Variants in ZNF804A observed in about 807,000 individuals in gnomAD.
The protein encoded by ZNF804A is zinc finger protein 804A.
In ZNF804A, 2 loss-of-function variants were observed where a neutral mutation model predicts 16.5. The observed-to-expected ratio is 0.12, with a 90% CI of 0.05 to 0.38. ZNF804A has a LOEUF of 0.38. Among genes scored for constraint, ZNF804A ranks in the 10% least tolerant of loss-of-function variants. ZNF804A has a pLI of 0.99. For synonymous variants in ZNF804A, 534 were observed against 489.6 expected (o/e 1.09, Z -1.20); for missense variants, 1,473 against 1,390.7 (o/e 1.06, Z -0.94).
intron 1 of ZNF804A, among the ~76,000 whole-genome samples, chr2:184,848,626 G>A (rs1052999990): frequency 3.3e-5 from 5 of 151,996 alleles, no homozygotes; most frequent in African/African-American, 9.7e-5. Flanking sequence ...ACAAGTCCAA[G>A]TGTCAAAGTG....
intron 1 of ZNF804A, among the ~76,000 whole-genome samples, chr2:184,750,600 C>T (rs1041255602): frequency 2.0e-5 from 3 of 151,216 alleles, no homozygotes; most frequent in African/African-American, 4.8e-5. Flanking sequence ...GTAAAAATGT[C>T]ACCACAATCC....
chr2:184,686,146 C>G (rs138124326), intron 1 of ZNF804A, among the ~76,000 whole-genome samples: 1 of 152,158 alleles, frequency 6.6e-6, no homozygotes, highest in Non-Finnish European at 1.5e-5. Flanking sequence ...TCTGAGCTTG[C>G]GGGGCAGGGG....
intron 1 of ZNF804A, among the ~76,000 whole-genome samples, chr2:184,839,004 C>G (rs1247251755): frequency 6.6e-6 from 1 of 152,040 alleles, no homozygotes; most frequent in Non-Finnish European, 1.5e-5. Flanking sequence ...CATTACCTTT[C>G]CCAATGTCCA....
intron 2 of ZNF804A, among the ~76,000 whole-genome samples, chr2:184,891,518 A>T (rs1189855358): frequency 6.6e-6 from 1 of 152,180 alleles, no homozygotes; most frequent in Non-Finnish European, 1.5e-5. Context: ...AGTAAAAAAG[A>T]AAAACTCAAC....
At chr2:184,732,506 T>A (rs2105748283) in intron 1 of ZNF804A, among the ~76,000 whole-genome samples, 1 of 152,258 alleles carries the variant, frequency 6.6e-6, no homozygotes, top group African/African-American at 2.4e-5. Flanking sequence ...ATTACTGTGT[T>A]GGCTATTCTG....
intron 1 of ZNF804A, among the ~76,000 whole-genome samples, chr2:184,654,356 G>T (rs1459404220): frequency 1.3e-5 from 2 of 152,048 alleles, no homozygotes; most frequent in Non-Finnish European, 1.5e-5. Context: ...TCCTTTTTCT[G>T]GTTGGTTCTG....
At chr2:184,640,430 A>G (rs534509404) in intron 1 of ZNF804A, among the ~76,000 whole-genome samples, 1 of 152,242 alleles carries the variant, frequency 6.6e-6, no homozygotes, top group African/African-American at 2.4e-5. Flanking sequence ...ACAAACAAAT[A>G]GTACCAATCA....
intron 1 of ZNF804A, among the ~76,000 whole-genome samples, chr2:184,662,024 C>T (rs1692182205): frequency 6.6e-6 from 1 of 152,162 alleles, no homozygotes; most frequent in African/African-American, 2.4e-5. Context: ...TGGGGCACAA[C>T]CCTGGAGAAC....
intron 1 of ZNF804A, among the ~76,000 whole-genome samples, chr2:184,773,247 T>G (rs1015390009): frequency 1.3e-5 from 2 of 151,786 alleles, no homozygotes; most frequent in African/African-American, 4.8e-5. Flanking sequence ...TAAACAGTTC[T>G]TTTAGATTTT....
chr2:184,893,746 T>A (rs1025413603), intron 2 of ZNF804A, among the ~76,000 whole-genome samples: 1 of 152,152 alleles, frequency 6.6e-6, no homozygotes, highest in Non-Finnish European at 1.5e-5. Flanking sequence ...CTTCATAGAC[T>A]TTGTGAAGAT....
In ZNF804A at chr2:184,936,037, T is replaced by A. The variant is rs762580985; in HGVS notation, c.641T>A (p.Phe214Tyr). 6.2e-7 allele frequency: 1 copy of A among 1,614,080 alleles called. No individual in the cohort carries two copies. The highest frequency in any genetic ancestry group is 8.5e-7 in the Non-Finnish European group (1 of 1,179,960). Residue 214 changes from phenylalanine to tyrosine, a missense_variant, in exon 4 of 4, where the codon TTT becomes TAT. Coordinates refer to ENST00000302277, the MANE Select transcript of ZNF804A (RefSeq NM_194250.2). ...AQGIHRHKIG[F>Y]SFAFPKKASV... Reference sequence around the variant, plus strand: ...GGGATTCACAGACACAAAATCGGCTTTTCTTTTGCATTTCCAAAGAAAGCG... The same window carrying A: ...GGGATTCACAGACACAAAATCGGCTATTCTTTTGCATTTCCAAAGAAAGCG...
intron 1 of ZNF804A, among the ~76,000 whole-genome samples, chr2:184,784,945 G>A (rs768324328): frequency 6.6e-5 from 10 of 151,966 alleles, no homozygotes; most frequent in Non-Finnish European, 8.8e-5. Flanking sequence ...AAATCAGGTC[G>A]CTTGAGAGAC....
chr2:184,743,427 T>C (rs932771072), intron 1 of ZNF804A, among the ~76,000 whole-genome samples: 2 of 152,028 alleles, frequency 1.3e-5, no homozygotes, highest in African/African-American at 4.8e-5. Context: ...GCATTAATTT[T>C]GATTATTTCC....
At position 184,875,679 on chromosome 2, in the gene ZNF804A, A is replaced by G. The variant is rs1313819032; in HGVS notation, c.255+9167A>G. Among the ~76,000 whole-genome samples, 4 of 152,134 alleles carry G rather than the reference A, an allele frequency of 2.6e-5. No homozygotes were observed. In the South Asian group the frequency reaches 8.3e-4, roughly 32 times the overall value. On this transcript the variant is annotated intron_variant, in intron 2 of 3. Coordinates refer to ENST00000302277, the MANE Select transcript of ZNF804A (RefSeq NM_194250.2). ...AATATGTACTTAATTCTCAATTTCA[A>G]ACTTTCTAAGTGATTCTTTCATATA...
chr2:184,620,266 G>T (rs1308970822), intron 1 of ZNF804A, among the ~76,000 whole-genome samples: 1 of 151,426 alleles, frequency 6.6e-6, no homozygotes, highest in Non-Finnish European at 1.5e-5. Context: ...CAAATCAAAA[G>T]AAACAAATAG....
chr2:184,913,936 C>T lies in ZNF804A; in HGVS notation c.256-19667C>T, dbSNP rs536929271. Among the ~76,000 whole-genome samples the T allele has an allele frequency of 9.2e-5, 14 of 152,262 alleles. No homozygotes were observed. The South Asian group carries it at 1.2e-3, about 14-fold the overall frequency. ...TGTTTCTTGGATTATGGATTGTTTC[C>T]GTTCAGATTCCTCAGGCTTATTTGA... On this transcript the variant is annotated intron_variant, in intron 2 of 3. Transcript: ENST00000302277.
At chr2:184,741,311 T>C (rs1213475227) in intron 1 of ZNF804A, among the ~76,000 whole-genome samples, 1 of 152,184 alleles carries the variant, frequency 6.6e-6, no homozygotes, top group Non-Finnish European at 1.5e-5. Context: ...TCTCATTCAG[T>C]ACAAGTTGCA....
intron 1 of ZNF804A, among the ~76,000 whole-genome samples, chr2:184,833,854 C>T (rs1027302166): frequency 2.0e-5 from 3 of 152,002 alleles, no homozygotes; most frequent in Admixed American, 6.6e-5. Flanking sequence ...ATACATTCTG[C>T]ACATGTACCA....
chr2:184,847,963 A>T (rs1695545475), intron 1 of ZNF804A, among the ~76,000 whole-genome samples: 1 of 152,068 alleles, frequency 6.6e-6, no homozygotes, highest in South Asian at 2.1e-4. Context: ...TGCCCTCTGT[A>T]GGTGCACCAC....
Sources: gnomAD v4.1 joint callset for allele counts (sites outside exome capture counted in the v4.1 genomes callset) on GRCh38, gnomAD v4.1.1 for gene constraint, MANE v1.5 for transcripts, NCBI Gene and HGNC (gene_info 2026-07-23, HGNC 2026-07-21) for gene names.